The following PPP1R9A variants were observed in gnomAD, a reference collection of about 807,000 sequenced individuals.
PPP1R9A encodes protein phosphatase 1 regulatory subunit 9A.
A neutral mutation model predicts 141.9 loss-of-function variants in PPP1R9A; 59 were observed. The ratio of observed to expected loss-of-function variants is 0.42; its 90% CI spans 0.34 to 0.52. PPP1R9A has a LOEUF of 0.52. Among genes scored for constraint, PPP1R9A ranks in the 20% least tolerant of loss-of-function variants. The pLI is 0.10. For missense variants in PPP1R9A, 1,444 were observed against 1,611.9 expected (o/e 0.90, Z 1.78); for synonymous variants, 500 against 569.7 (o/e 0.88, Z 1.74).
chr7:95,267,742 C>T (rs1385808661), intron 12 of PPP1R9A, among the ~76,000 whole-genome samples: 3 of 151,978 alleles, frequency 2.0e-5, no homozygotes, highest in Non-Finnish European at 4.4e-5. Context: ...AAATCAGTGT[C>T]GTTTCTGGTG....
rs547207677 is a variant in PPP1R9A, at chr7:95,207,809, A to T, written c.1956+4079A>T. Among the ~76,000 whole-genome samples, 14 of 152,344 alleles carry T rather than the reference A, an allele frequency of 9.2e-5. 1 individual carries two copies. In the East Asian group the frequency reaches 2.7e-3, roughly 29 times the overall value. The stretch of plus-strand genomic sequence containing the variant: ...ATACATAATTAATGTAAAATAAAAC[A>T]TCTATTTCAATATGTCTGCAAACCA... On this transcript the variant is annotated intron_variant, in intron 7 of 19. Transcript: ENST00000433360.
At chr7:95,075,706 G>A (rs572626885) in intron 2 of PPP1R9A, among the ~76,000 whole-genome samples, 7 of 152,162 alleles carry the variant, frequency 4.6e-5, no homozygotes, top group Middle Eastern at 3.4e-3. Context: ...GTGTGGTGGC[G>A]GGTGCCTGTA....
At chr7:95,121,455 G>A (rs867382212) in intron 4 of PPP1R9A, among the ~76,000 whole-genome samples, 40 of 144,960 alleles carry the variant, frequency 2.8e-4, no homozygotes, top group Admixed American at 4.9e-4. Flanking sequence ...CTGTCTGTCT[G>A]TCTGTCTATC....
chr7:95,187,331 C>T (rs1364153236), intron 5 of PPP1R9A, among the ~76,000 whole-genome samples: 1 of 151,962 alleles, frequency 6.6e-6, no homozygotes, highest in Non-Finnish European at 1.5e-5. Context: ...CTTGAATGAT[C>T]TTTTGTATTT....
At chr7:95,192,399 C>T (rs1416353255) in intron 5 of PPP1R9A, among the ~76,000 whole-genome samples, 1 of 151,892 alleles carries the variant, frequency 6.6e-6, no homozygotes. Context: ...TAGGAAATGG[C>T]ATCTCTATTT....
chr7:95,237,681 T>C (rs1340778898), intron 8 of PPP1R9A, among the ~76,000 whole-genome samples: 1 of 152,156 alleles, frequency 6.6e-6, no homozygotes, highest in Non-Finnish European at 1.5e-5. Flanking sequence ...TTTACATCTT[T>C]GTTGTTAACT....
At chr7:95,150,788 T>A (rs770971645) in intron 4 of PPP1R9A, among the ~76,000 whole-genome samples, 2,174 of 152,310 alleles carry the variant, frequency 0.014, 23 homozygotes, top group Non-Finnish European at 0.022. Flanking sequence ...TTATTTAAAG[T>A]ATACGAAAAG....
At chr7:95,169,065 C>T (rs994348858) in intron 5 of PPP1R9A, among the ~76,000 whole-genome samples, 2 of 152,130 alleles carry the variant, frequency 1.3e-5, no homozygotes, top group Admixed American at 1.3e-4. Flanking sequence ...ATCAGTATAT[C>T]AAAGAGATGG....
At chr7:95,088,420 G>A (rs1388741503) in intron 2 of PPP1R9A, among the ~76,000 whole-genome samples, 1 of 151,740 alleles carries the variant, frequency 6.6e-6, no homozygotes, top group Non-Finnish European at 1.5e-5. Context: ...CATTGAATTT[G>A]GAAAGTTTCA....
intron 8 of PPP1R9A, among the ~76,000 whole-genome samples, chr7:95,237,959 G>A (rs1200327977): frequency 6.6e-6 from 1 of 151,478 alleles, no homozygotes; most frequent in African/African-American, 2.4e-5. Flanking sequence ...TTGCCATTAG[G>A]TACATCAAAT....
intron 2 of PPP1R9A, among the ~76,000 whole-genome samples, chr7:95,070,629 A>G (rs1265121543): frequency 2.7e-5 from 4 of 146,890 alleles, no homozygotes; most frequent in Non-Finnish European, 6.0e-5. Flanking sequence ...ACACACATAT[A>G]TATAAGGTGT....
chr7:95,157,169 A>G (rs1364208946), intron 4 of PPP1R9A, among the ~76,000 whole-genome samples: 3 of 152,206 alleles, frequency 2.0e-5, no homozygotes, highest in South Asian at 4.1e-4. Context: ...CCAAGATGGG[A>G]GCAGGTGCCC....
intron 2 of PPP1R9A, among the ~76,000 whole-genome samples, chr7:95,013,017 T>C (rs1223667369): frequency 6.6e-6 from 1 of 152,066 alleles, no homozygotes. Flanking sequence ...AGTTGGGAAG[T>C]TTTTGTTTTT....
chr7:94,927,682 C>T (rs1793653653), intron 2 of PPP1R9A, among the ~76,000 whole-genome samples: 1 of 151,916 alleles, frequency 6.6e-6, no homozygotes, highest in African/African-American at 2.4e-5. Flanking sequence ...CAAACCTTTT[C>T]TCCTTGAGAC....
chr7:95,264,065 A>AGAAC (rs1800871106), intron 12 of PPP1R9A, among the ~76,000 whole-genome samples: 1 of 151,638 alleles, frequency 6.6e-6, no homozygotes, highest in South Asian at 2.1e-4. Flanking sequence ...TCAAGGAACA[A>AGAAC]CTCCAGGTCT....
intron 2 of PPP1R9A, among the ~76,000 whole-genome samples, chr7:95,083,010 C>A (rs935091115): frequency 6.6e-6 from 1 of 151,776 alleles, no homozygotes; most frequent in South Asian, 2.1e-4. Context: ...CCACCTCGGC[C>A]TCCCAAAGTG....
intron 7 of PPP1R9A, among the ~76,000 whole-genome samples, chr7:95,213,424 G>A (rs998612514): frequency 4.0e-5 from 6 of 150,556 alleles, no homozygotes; most frequent in Admixed American, 6.6e-5. Flanking sequence ...GGGTTCAAGC[G>A]TTTCTCATGC....
At chr7:95,235,039 C>G (rs1796486698) in intron 8 of PPP1R9A, among the ~76,000 whole-genome samples, 1 of 152,058 alleles carries the variant, frequency 6.6e-6, no homozygotes, top group Non-Finnish European at 1.5e-5. Flanking sequence ...AGACTTAAAT[C>G]TAAGATCTGA....
chr7:95,175,906 A>C (rs1025684304), intron 5 of PPP1R9A, among the ~76,000 whole-genome samples: 3 of 152,104 alleles, frequency 2.0e-5, no homozygotes, highest in Non-Finnish European at 4.4e-5. Flanking sequence ...TTTTTTGGAA[A>C]AGGTTAAAAT....
Sources: allele counts gnomAD v4.1 joint callset (sites outside exome capture counted in the v4.1 genomes callset), GRCh38; gene constraint gnomAD v4.1.1; transcripts MANE v1.5; gene names NCBI Gene and HGNC (gene_info 2026-07-23, HGNC 2026-07-21).